SMYD3: variants seen among roughly 807,000 people sequenced by gnomAD.
SMYD3 encodes histone-lysine N-methyltransferase SMYD3.
A neutral mutation model predicts 57.7 loss-of-function variants in SMYD3; 36 were observed. The observed-to-expected ratio is 0.62, with a 90% confidence interval of 0.48 to 0.82. The LOEUF (loss-of-function observed/expected upper bound fraction) is 0.82, where lower values mean the gene tolerates loss of function less well. SMYD3 is among the 40% of genes least tolerant of loss of function. SMYD3 has a pLI of 0.00. For missense variants in SMYD3, 515 were observed against 538.8 expected, an observed-to-expected ratio of 0.96 and a Z score of 0.44; for synonymous variants, 211 against 195.0, an observed-to-expected ratio of 1.08 and a Z score of -0.68.
intron 5 of SMYD3, among the ~76,000 whole-genome samples, chr1:246,306,973 A>G (rs1299511746): frequency 6.8e-6 from 1 of 147,698 alleles, no homozygotes; most frequent in African/African-American, 2.5e-5. Context: ...ATAGGGGAGG[A>G]TGGGTTTTTC....
intron 1 of SMYD3, among the ~76,000 whole-genome samples, chr1:246,495,223 C>G (rs1299688089): frequency 6.6e-6 from 1 of 151,702 alleles, no homozygotes; most frequent in Admixed American, 6.6e-5. Context: ...GTGGCGGGCG[C>G]CTGTAGTCCC....
chr1:245,994,272 C>T (rs927392376), intron 5 of SMYD3, among the ~76,000 whole-genome samples: 3 of 152,166 alleles, frequency 2.0e-5, no homozygotes, highest in Admixed American at 2.0e-4. Flanking sequence ...TTAGGAACTC[C>T]TCTATGGTTC....
intron 5 of SMYD3, among the ~76,000 whole-genome samples, chr1:245,938,891 G>A (rs529155933): frequency 6.6e-6 from 1 of 152,152 alleles, no homozygotes; most frequent in Non-Finnish European, 1.5e-5. Flanking sequence ...TGCAAGGAAG[G>A]TTCCCCTTTC....
At chr1:245,805,904 T>G (rs2048123676) in intron 10 of SMYD3, among the ~76,000 whole-genome samples, 2 of 152,188 alleles carry the variant, frequency 1.3e-5, no homozygotes, top group Admixed American at 1.3e-4. Context: ...ATTCCCAAGT[T>G]CCTTCTACTG....
At chr1:246,098,415 T>C (rs2060952360) in intron 5 of SMYD3, among the ~76,000 whole-genome samples, 1 of 152,226 alleles carries the variant, frequency 6.6e-6, no homozygotes, top group Non-Finnish European at 1.5e-5. Flanking sequence ...GCACCATTCA[T>C]GGACTTTAGG....
In SMYD3 at chr1:246,036,815, C is replaced by G. The variant is rs536492599; in HGVS notation, c.532-106878G>C. ...TCCTGACCTCGTGATCCGCCCGCCT[C>G]GGCCTCCCAAAGTGCTGGGATTATA... On this transcript the variant is annotated intron_variant, in intron 5 of 11. Coordinates refer to ENST00000490107, the MANE Select transcript of SMYD3 (RefSeq NM_001167740.2). Among the ~76,000 whole-genome samples the G allele has an allele frequency of 2.6e-5, 4 of 151,506 alleles. No individual in the cohort carries two copies. In the South Asian group the frequency reaches 6.3e-4, roughly 24 times the overall value.
chr1:245,979,743 A>C (rs2058550502), intron 5 of SMYD3, among the ~76,000 whole-genome samples: 1 of 152,196 alleles, frequency 6.6e-6, no homozygotes. Flanking sequence ...AGAATCGAAT[A>C]CAGCATCCCA....
At chr1:246,358,748 A>T (rs569617299) in intron 1 of SMYD3, among the ~76,000 whole-genome samples, 87 of 152,338 alleles carry the variant, frequency 5.7e-4, no homozygotes, top group African/African-American at 2.1e-3. Flanking sequence ...ATGGAAATTT[A>T]AAAAGTCTTT....
intron 3 of SMYD3, among the ~76,000 whole-genome samples, chr1:246,331,760 C>G (rs1397641359): frequency 6.6e-6 from 1 of 152,214 alleles, no homozygotes; most frequent in Non-Finnish European, 1.5e-5. Context: ...ATTTTTCTAA[C>G]AACACGTGTT....
chr1:246,187,095 G>C (rs1454349269), intron 5 of SMYD3: 1 of 240,214 alleles, frequency 4.2e-6, no homozygotes, highest in Non-Finnish European at 6.7e-6. Flanking sequence ...CAAAAGATCT[G>C]CGTTTAAGAA....
intron 5 of SMYD3, among the ~76,000 whole-genome samples, chr1:246,068,080 A>C (rs74154355): frequency 0.04 from 6,122 of 152,256 alleles, 142 homozygotes; most frequent in African/African-American, 0.051. Context: ...CTGTTTAGAA[A>C]AGCAGTTAAG....
intron 5 of SMYD3, among the ~76,000 whole-genome samples, chr1:246,019,003 A>C (rs1181402144): frequency 2.6e-5 from 4 of 152,026 alleles, no homozygotes; most frequent in Non-Finnish European, 5.9e-5. Context: ...TTGGTTCTTG[A>C]CTTATTTTTT....
intron 5 of SMYD3, among the ~76,000 whole-genome samples, chr1:246,223,464 A>C (rs1159180934): frequency 6.6e-6 from 1 of 152,122 alleles, no homozygotes; most frequent in Non-Finnish European, 1.5e-5. Context: ...GACACCTTCC[A>C]ATCTCCATAA....
chr1:246,060,429 A>T (rs975714832), intron 5 of SMYD3, among the ~76,000 whole-genome samples: 29 of 152,098 alleles, frequency 1.9e-4, no homozygotes, highest in African/African-American at 6.3e-4. Context: ...GTTTTACCTT[A>T]TCCTAATCAT....
intron 5 of SMYD3, among the ~76,000 whole-genome samples, chr1:246,070,560 A>C (rs909636461): frequency 2.6e-5 from 4 of 152,194 alleles, no homozygotes; most frequent in African/African-American, 9.7e-5. Flanking sequence ...TCACTTCCCC[A>C]AAGTACCCAG....
chr1:245,815,741 C>T (rs1216358474), intron 10 of SMYD3, among the ~76,000 whole-genome samples: 1 of 152,218 alleles, frequency 6.6e-6, no homozygotes, highest in Non-Finnish European at 1.5e-5. Flanking sequence ...AGTTTTTCCA[C>T]AGCCACTGTC....
intron 1 of SMYD3, among the ~76,000 whole-genome samples, chr1:246,499,401 T>TACACACACAC (rs74163453): frequency 6.9e-6 from 1 of 145,770 alleles, no homozygotes; most frequent in African/African-American, 2.5e-5. Context: ...CCATCAAATA[T>TACACACACAC]ACACACACAC....
chr1:246,022,124 C>G (rs1248392137), intron 5 of SMYD3, among the ~76,000 whole-genome samples: 1 of 152,204 alleles, frequency 6.6e-6, no homozygotes, highest in Non-Finnish European at 1.5e-5. Context: ...AACGCAAATT[C>G]ATGATCATTA....
intron 10 of SMYD3, among the ~76,000 whole-genome samples, chr1:245,844,469 A>G (rs992076004): frequency 1.3e-5 from 2 of 152,238 alleles, no homozygotes; most frequent in African/African-American, 2.4e-5. Context: ...CTGACGAAGT[A>G]AAAATAAAGT....
Sources: gnomAD v4.1 joint callset for allele counts (sites outside exome capture counted in the v4.1 genomes callset) on GRCh38, gnomAD v4.1.1 for gene constraint, MANE v1.5 for transcripts, NCBI Gene and HGNC (gene_info 2026-07-23, HGNC 2026-07-21) for gene names.